The following EIF4E variants were observed in gnomAD, a reference collection of about 807,000 sequenced individuals.
EIF4E encodes eukaryotic translation initiation factor 4E, also known as eIF-4F 25 kDa subunit.
For missense variants in EIF4E, 113 were observed against 265.6 expected (o/e 0.43, Z 3.99); for synonymous variants, 71 against 88.5 (o/e 0.80, Z 1.11).
intron 1 of EIF4E, 59 bp downstream of exon 1, chr4:98,929,036 G>T: frequency 6.4e-7 from 1 of 1,571,446 alleles, no homozygotes; most frequent in South Asian, 1.2e-5. Context: ...GAGTCCCCCA[G>T]TCAGAAGGAA....
At chr4:98,890,357 TAA>T (rs1724096001) in intron 3 of EIF4E, among the ~76,000 whole-genome samples, 1 of 152,232 alleles carries the variant, frequency 6.6e-6, no homozygotes, top group South Asian at 2.1e-4. Flanking sequence ...CTAGGTAATT[TAA>T]AGTGCTTATT....
chr4:98,896,486 CAAAAAA>C (rs59729154), intron 2 of EIF4E, among the ~76,000 whole-genome samples: 41 of 39,014 alleles, frequency 1.1e-3, no homozygotes, highest in African/African-American at 4.5e-3. Context: ...CCGCATCTCT[CAAAAAA>C]AAAAAAAAAA....
chr4:98,910,413 C>T (rs1189167524), intron 1 of EIF4E, among the ~76,000 whole-genome samples: 3 of 152,090 alleles, frequency 2.0e-5, no homozygotes, highest in Non-Finnish European at 4.4e-5. Flanking sequence ...AAAATGGCAA[C>T]TAAACAATAA....
chr4:98,891,393 T>C, intron 2 of EIF4E, 61 bp from the exon 3 acceptor site: 2 of 1,491,056 alleles, frequency 1.3e-6, no homozygotes, highest in South Asian at 1.2e-5. Context: ...AAAGCAACAT[T>C]ATTCACAAAA....
intron 6 of EIF4E, among the ~76,000 whole-genome samples, chr4:98,883,932 G>T (rs1480446447): frequency 1.3e-5 from 2 of 151,598 alleles, no homozygotes. Context: ...GCAGCTAATT[G>T]GGTGGCTGAG....
Position 98,887,037 on chromosome 4 carries a change from C to A in EIF4E, c.399+42G>T. The A allele has an allele frequency of 6.3e-7, 1 of 1,595,042 alleles. No homozygotes were observed. The highest frequency in any genetic ancestry group is 8.6e-7 in the Non-Finnish European group (1 of 1,164,820). ...TAACATATCTTAAGTATCAGTATTC[C>A]AAAACTACCTCTAAAACTGCTTTAT... On this transcript the variant is annotated intron_variant, in intron 5 of 6. Transcript: ENST00000450253. This position sits in a 1 kb window ranked among gnomAD's most constrained non-coding sequence, Gnocchi z 4.0.
intron 2 of EIF4E, chr4:98,895,666 CCAA>C (rs1381456986): frequency 1.3e-5 from 2 of 152,214 alleles, no homozygotes; most frequent in African/African-American, 4.8e-5. Context: ...AAGAAAACCA[CCAA>C]CGAGGTCAAG....
chr4:98,914,834 T>C (rs1725310987), intron 1 of EIF4E, among the ~76,000 whole-genome samples: 1 of 152,202 alleles, frequency 6.6e-6, no homozygotes, highest in Non-Finnish European at 1.5e-5. Context: ...GCCATTCTGT[T>C]GTAGGATGTT....
intron 6 of EIF4E, among the ~76,000 whole-genome samples, chr4:98,884,626 C>T (rs1262075622): frequency 6.6e-6 from 1 of 152,104 alleles, no homozygotes; most frequent in Non-Finnish European, 1.5e-5. Context: ...ATCTCCTGAA[C>T]CCGGGAGGCG....
Position 98,929,076 on chromosome 4 carries a change from G to C in EIF4E, c.18+19C>G, listed in dbSNP as rs1358470398. The C allele has an allele frequency of 6.3e-7, 1 of 1,581,364 alleles. No individual in the cohort carries two copies. The highest frequency in any genetic ancestry group is 1.8e-5 in the Admixed American group (1 of 56,060). On this transcript the variant is annotated intron_variant, in intron 1 of 6. Coordinates refer to ENST00000450253, the MANE Select transcript of EIF4E (RefSeq NM_001968.5). ...GAGCGCGGGGACCCGTGGGGGTGGG[G>C]GCCAAAGGCAATACTCACCGGTTCG...
At chr4:98,883,384 G>GT (rs1723779982) in intron 6 of EIF4E, among the ~76,000 whole-genome samples, 1 of 143,342 alleles carries the variant, frequency 7.0e-6, no homozygotes, top group Non-Finnish European at 1.5e-5. Flanking sequence ...ACATAAAATT[G>GT]TAAGTCAAAT....
intron 2 of EIF4E, among the ~76,000 whole-genome samples, chr4:98,896,360 A>C (rs1560640004): frequency 6.6e-6 from 1 of 151,046 alleles, no homozygotes; most frequent in Non-Finnish European, 1.5e-5. Context: ...TGATAGAGCA[A>C]GACCCTGTCA....
At chr4:98,916,827 C>G (rs1042777033) in intron 1 of EIF4E, among the ~76,000 whole-genome samples, 2 of 152,086 alleles carry the variant, frequency 1.3e-5, no homozygotes, top group African/African-American at 4.8e-5. Context: ...TGCTGGAGAT[C>G]TGGCCCACCA....
intron 1 of EIF4E, among the ~76,000 whole-genome samples, chr4:98,905,552 G>A (rs1724836338): frequency 6.6e-6 from 1 of 152,212 alleles, no homozygotes; most frequent in African/African-American, 2.4e-5. Flanking sequence ...GGCCTCAAAG[G>A]TCAGGCTAAA....
At chr4:98,918,316 T>C (rs1006802843) in intron 1 of EIF4E, among the ~76,000 whole-genome samples, 1 of 149,178 alleles carries the variant, frequency 6.7e-6, no homozygotes, top group Non-Finnish European at 1.5e-5. Flanking sequence ...TGAGCCGAGA[T>C]TGTCACTGCA....
At chr4:98,891,424 C>T in intron 2 of EIF4E, 92 bp from the exon 3 acceptor site, 1 of 1,069,876 alleles carries the variant, frequency 9.3e-7, no homozygotes, top group Non-Finnish European at 1.4e-6. Flanking sequence ...AGAAGCAACC[C>T]ACCTGTCCAT....
At chr4:98,900,554 T>TA (rs945896385) in intron 2 of EIF4E, among the ~76,000 whole-genome samples, 20 of 152,024 alleles carry the variant, frequency 1.3e-4, no homozygotes, top group African/African-American at 1.9e-4. Context: ...TGGTCTGCCC[T>TA]AAAAAAAGTA....
chr4:98,918,809 C>A (rs1461856368), intron 1 of EIF4E, among the ~76,000 whole-genome samples: 1 of 152,196 alleles, frequency 6.6e-6, no homozygotes, highest in Non-Finnish European at 1.5e-5. Context: ...GAAAAGTGCA[C>A]ATAGCTGGCT....
At chr4:98,928,803 G>A (rs1721341388) in intron 1 of EIF4E, 2 of 1,466,486 alleles carry the variant, frequency 1.4e-6, no homozygotes, top group Admixed American at 2.2e-5. Context: ...CAGAACCCCA[G>A]CTACCCTCCA....
Sources: gnomAD v4.1 joint callset for allele counts (sites outside exome capture counted in the v4.1 genomes callset) on GRCh38, gnomAD v4.1.1 for gene constraint, Gnocchi (gnomAD v3.1) non-coding constraint, MANE v1.5 for transcripts, NCBI Gene and HGNC (gene_info 2026-07-23, HGNC 2026-07-21) for gene names.